CCZ1: variants seen among roughly 807,000 people sequenced by gnomAD.
CCZ1 encodes vacuolar fusion protein CCZ1 homolog.
A neutral mutation model predicts 57.8 loss-of-function variants in CCZ1; 19 were observed. That is an observed-to-expected ratio of 0.33 (90% CI 0.23 to 0.48). CCZ1 has a LOEUF of 0.48. Among genes scored for constraint, CCZ1 ranks in the 20% least tolerant of loss-of-function variants. The pLI, the probability that CCZ1 is intolerant of heterozygous loss-of-function variation, is 0.99. For synonymous variants in CCZ1, 81 were observed against 167.0 expected, an observed-to-expected ratio of 0.49 and a Z score of 3.97; for missense variants, 200 against 492.0, an observed-to-expected ratio of 0.41 and a Z score of 5.61.
chr7:5,910,934 C>T (rs1303051602), intron 8 of CCZ1, among the ~76,000 whole-genome samples: 1 of 147,360 alleles, frequency 6.8e-6, no homozygotes, highest in African/African-American at 2.5e-5. Context: ...CGGAGTTTCA[C>T]CATGTTGGCC....
intron 1 of CCZ1, among the ~76,000 whole-genome samples, chr7:5,900,063 C>T (rs118099115): frequency 0.035 from 5,349 of 151,016 alleles, 157 homozygotes; most frequent in Non-Finnish European, 0.049. Context: ...AGACGTCTCA[C>T]TGTGTTGCCA....
At chr7:5,904,347 A>C (rs1781753887) in intron 6 of CCZ1, among the ~76,000 whole-genome samples, 1 of 143,808 alleles carries the variant, frequency 7.0e-6, no homozygotes, top group South Asian at 2.3e-4. Flanking sequence ...TGGCCTCCCA[A>C]AGGGCTGGGA....
intron 7 of CCZ1, among the ~76,000 whole-genome samples, chr7:5,906,845 G>C (rs923890109): frequency 8.0e-5 from 12 of 150,586 alleles, no homozygotes; most frequent in South Asian, 4.2e-4. Flanking sequence ...GAAGACAACA[G>C]AAATTTCGGG....
rs1442860378 is a variant in CCZ1 at position 5,909,456 on chromosome 7, C to A, written c.699-579C>A. ...GTGGCTCACATATGTAATCCCAGCA[C>A]TTTAGGAGGCTGAGGCGGGAGCACT... On this transcript the variant is annotated intron_variant, in intron 7 of 14. Coordinates refer to ENST00000325974, the MANE Select transcript of CCZ1 (RefSeq NM_015622.6). Among the ~76,000 whole-genome samples the A allele has an allele frequency of 1.3e-5, 2 of 149,944 alleles. 1 individual carries two copies. Among genetic ancestry groups the A allele is most frequent in the African/African-American group, 5.0e-5 (2 of 40,242 alleles).
chr7:5,909,003 A>G (rs1194600017), intron 7 of CCZ1, among the ~76,000 whole-genome samples: 1 of 146,632 alleles, frequency 6.8e-6, no homozygotes. Flanking sequence ...CATATAACCC[A>G]GGAAGCTAAG....
At chr7:5,909,654 G>T (rs796488971) in intron 7 of CCZ1, among the ~76,000 whole-genome samples, 1 of 146,654 alleles carries the variant, frequency 6.8e-6, no homozygotes, top group Non-Finnish European at 1.5e-5. Context: ...AGCCATGATC[G>T]CACCACTGCT....
chr7:5,919,866 T>A lies in CCZ1; in HGVS notation c.1006T>A (p.Leu336Met), dbSNP rs145821480. The change falls in exon 12 of 15, where the codon TTG (leucine) becomes ATG (methionine). Residue 336 changes from leucine to methionine, a missense_variant. Leu to Met is a conservative substitution (Grantham distance 15). This residue lies in a region of CCZ1 where 13 missense variants were observed against 148.1 expected (regional missense o/e 0.09). Transcript: ENST00000325974. Reference sequence around the variant, plus strand: ...CTTGCCAGCCTCTGTCCACCCAACGTTGGATTTTTGCCGAAGACTGGACAG... The same window carrying A: ...CTTGCCAGCCTCTGTCCACCCAACGATGGATTTTTGCCGAAGACTGGACAG... ...FMIDASVHPT[L>M]DFCRRLDSIV... The A allele has an allele frequency of 1.4e-3, 2,221 of 1,608,148 alleles. 1 individual carries two copies. Among genetic ancestry groups the A allele is most frequent in the Non-Finnish European group, 5.7e-4 (674 of 1,177,000 alleles).
chr7:5,920,487 T>TTTTTTTTTTTTA (rs1360301005), intron 12 of CCZ1, among the ~76,000 whole-genome samples: 2 of 117,488 alleles, frequency 1.7e-5, no homozygotes, highest in Admixed American at 8.2e-5. Flanking sequence ...TTTTTTTTTT[T>TTTTTTTTTTTTA]GAGACAAATT....
intron 12 of CCZ1, among the ~76,000 whole-genome samples, chr7:5,921,320 CAG>C (rs1202597109): frequency 5.6e-5 from 5 of 90,022 alleles, no homozygotes; most frequent in Non-Finnish European, 1.1e-4. Flanking sequence ...TTTTGTACAA[CAG>C]TGTGTGGATT....
At chr7:5,922,545 A>AG (rs1779261235) in intron 12 of CCZ1, among the ~76,000 whole-genome samples, 1 of 135,996 alleles carries the variant, frequency 7.4e-6, no homozygotes, top group Non-Finnish European at 1.6e-5. Flanking sequence ...AGGGGAGGGG[A>AG]GGGGCCCCAG....
At chr7:5,912,761 G>C in intron 9 of CCZ1, 82 bp from the exon 10 acceptor site, 1 of 1,145,782 alleles carries the variant, frequency 8.7e-7, no homozygotes, top group Non-Finnish European at 1.3e-6. Flanking sequence ...TGGTGTGTAT[G>C]AAGTGGGAGT....
intron 7 of CCZ1, among the ~76,000 whole-genome samples, chr7:5,906,458 G>A (rs1366273004): frequency 1.3e-5 from 2 of 148,292 alleles, no homozygotes; most frequent in African/African-American, 5.0e-5. Flanking sequence ...AAGTAGCTGG[G>A]ATTACAGGCA....
chr7:5,924,147 C>T (rs2128616048), intron 14 of CCZ1, among the ~76,000 whole-genome samples, 185 bp downstream of exon 14: 1 of 72,786 alleles, frequency 1.4e-5, no homozygotes, highest in East Asian at 2.8e-4. Flanking sequence ...TCCTGTAGCA[C>T]AGGAAACTTG....
intron 1 of CCZ1, among the ~76,000 whole-genome samples, 178 bp from the exon 2 acceptor site, chr7:5,900,106 C>T (rs1275627682): frequency 6.6e-6 from 1 of 151,244 alleles, no homozygotes; most frequent in Non-Finnish European, 1.5e-5. Context: ...TCAAGTGATC[C>T]TCCCGCCTCA....
intron 10 of CCZ1, among the ~76,000 whole-genome samples, chr7:5,914,939 C>T (rs1206906332): frequency 1.4e-5 from 2 of 143,804 alleles, no homozygotes; most frequent in South Asian, 2.3e-4. Context: ...ATGCACCTTT[C>T]CTGAGGGTGT....
At chr7:5,924,187 A>G (rs1389584355) in intron 14 of CCZ1, among the ~76,000 whole-genome samples, 3 of 68,070 alleles carry the variant, frequency 4.4e-5, no homozygotes, top group African/African-American at 1.5e-4. Flanking sequence ...TATTTTCTAC[A>G]ATTCTAAAAA....
At position 5,925,922 on chromosome 7, in the gene CCZ1, T is replaced by C. The variant is rs1427105948; in HGVS notation, c.*235T>C. On this transcript the variant is annotated 3_prime_UTR_variant, in exon 15 of 15. Coordinates refer to ENST00000325974, the MANE Select transcript of CCZ1 (RefSeq NM_015622.6). Reference sequence around the variant, plus strand: ...CTATCATTTCATTCTTTTGACATTATGTGAATATTTTACTGGAAAATAAGA... The same window carrying C: ...CTATCATTTCATTCTTTTGACATTACGTGAATATTTTACTGGAAAATAAGA... 1 of 715,894 alleles carries C rather than the reference T, an allele frequency of 1.4e-6. No individual in the cohort carries two copies. The highest frequency in any genetic ancestry group is 1.8e-5 in the African/African-American group (1 of 56,294). 44.3% of individuals were successfully genotyped at this position (715,894 alleles called of 1,614,324 possible). A position where few individuals can be genotyped will look rare whatever the true frequency, so the allele number is the denominator to read the frequency against.
chr7:5,910,871 G>C (rs1781960131), intron 8 of CCZ1, among the ~76,000 whole-genome samples: 1 of 147,126 alleles, frequency 6.8e-6, no homozygotes, highest in South Asian at 2.3e-4. Context: ...GAGTAGCTGA[G>C]ATTATAGGCA....
chr7:5,919,482 CCT>C (rs1779196497), intron 11 of CCZ1: 1 of 229,498 alleles, frequency 4.4e-6, no homozygotes, highest in South Asian at 3.5e-5. Context: ...AGCAGTGGTA[CCT>C]CTCTCGGGGG....
Sources: allele counts gnomAD v4.1 joint callset (sites outside exome capture counted in the v4.1 genomes callset), GRCh38; gene constraint gnomAD v4.1.1; regional missense constraint gnomAD v4.1.1; transcripts MANE v1.5; gene names NCBI Gene and HGNC (gene_info 2026-07-23, HGNC 2026-07-21).